CDH12: variants seen among roughly 807,000 people sequenced by gnomAD.
CDH12 encodes cadherin 12, also known as cadherin-12.
Under a neutral mutation model 74.1 loss-of-function variants are expected in CDH12, and 41 were observed. The ratio of observed to expected loss-of-function variants is 0.55; its 90% CI spans 0.43 to 0.72. The LOEUF (loss-of-function observed/expected upper bound fraction) is 0.72, where lower values mean the gene tolerates loss of function less well. Ranked by LOEUF, CDH12 falls within the 30% of genes least tolerant of loss-of-function variation. The pLI is 0.00. For synonymous variants in CDH12, 399 were observed against 355.0 expected, an observed-to-expected ratio of 1.12 and a Z score of -1.39; for missense variants, 945 against 977.2, an observed-to-expected ratio of 0.97 and a Z score of 0.44.
intron 2 of CDH12, among the ~76,000 whole-genome samples, chr5:22,445,371 T>C (rs1744779645): frequency 6.6e-6 from 1 of 151,922 alleles, no homozygotes; most frequent in Non-Finnish European, 1.5e-5. Context: ...CAAAATACAG[T>C]TTTATTTTCC....
intron 1 of CDH12, among the ~76,000 whole-genome samples, chr5:22,698,699 A>C (rs1361012107): frequency 2.4e-4 from 3 of 12,338 alleles, no homozygotes; most frequent in African/African-American, 1.1e-3. Flanking sequence ...ATATATATAT[A>C]TATATATATA....
At chr5:22,811,002 TAG>T (rs1016581354) in intron 1 of CDH12, among the ~76,000 whole-genome samples, 34 of 151,938 alleles carry the variant, frequency 2.2e-4, no homozygotes, top group African/African-American at 7.5e-4. Flanking sequence ...CATACACATA[TAG>T]ACATACACAT....
chr5:21,839,199 A>T (rs1749704280), intron 8 of CDH12, among the ~76,000 whole-genome samples: 1 of 152,308 alleles, frequency 6.6e-6, no homozygotes, highest in Non-Finnish European at 1.5e-5. Flanking sequence ...ACCATATATT[A>T]GAGAAACAAA....
intron 3 of CDH12, among the ~76,000 whole-genome samples, chr5:22,291,099 T>C (rs79018194): frequency 0.04 from 6,134 of 152,184 alleles, 435 homozygotes; most frequent in African/African-American, 0.14. Context: ...ATCAAATTAA[T>C]AGAACTAAGA....
chr5:22,383,677 C>G (rs1186700571), intron 3 of CDH12, among the ~76,000 whole-genome samples: 2 of 152,112 alleles, frequency 1.3e-5, no homozygotes, highest in African/African-American at 4.8e-5. Flanking sequence ...AATAATCTCC[C>G]AATTCATGTG....
At chr5:22,401,078 T>C (rs1018599956) in intron 3 of CDH12, among the ~76,000 whole-genome samples, 10 of 152,206 alleles carry the variant, frequency 6.6e-5, no homozygotes, top group Non-Finnish European at 1.5e-4. Flanking sequence ...CTTCGTTATT[T>C]TAGTCAATCC....
intron 1 of CDH12, among the ~76,000 whole-genome samples, chr5:22,736,009 T>G (rs1355186645): frequency 1.3e-5 from 2 of 151,868 alleles, no homozygotes; most frequent in East Asian, 3.9e-4. Flanking sequence ...ATTCATATTC[T>G]GATTTTCTAT....
chr5:22,100,652 GACACACACAC>G (rs150777646), intron 4 of CDH12, among the ~76,000 whole-genome samples: 1 of 144,242 alleles, frequency 6.9e-6, no homozygotes, highest in Non-Finnish European at 1.5e-5. Flanking sequence ...CCATACATTA[GACACACACAC>G]ACACACACAC....
chr5:22,634,232 A>G (rs1256605456), intron 1 of CDH12, among the ~76,000 whole-genome samples: 1 of 152,166 alleles, frequency 6.6e-6, no homozygotes, highest in Non-Finnish European at 1.5e-5. Flanking sequence ...ACAAGACAAA[A>G]GTAATTACAT....
At chr5:22,345,096 G>A (rs555691672) in intron 3 of CDH12, among the ~76,000 whole-genome samples, 27 of 152,236 alleles carry the variant, frequency 1.8e-4, no homozygotes, top group South Asian at 8.3e-4. Context: ...ACTTAACAGC[G>A]CACTGCAACA....
chr5:21,962,219 G>T (rs1464959817), intron 6 of CDH12, among the ~76,000 whole-genome samples: 1 of 151,788 alleles, frequency 6.6e-6, no homozygotes, highest in Non-Finnish European at 1.5e-5. Flanking sequence ...GACTTCATTT[G>T]TGTATAGGTT....
At chr5:22,164,030 T>C (rs555308113) in intron 4 of CDH12, among the ~76,000 whole-genome samples, 1 of 152,350 alleles carries the variant, frequency 6.6e-6, no homozygotes, top group East Asian at 1.9e-4. Flanking sequence ...CCAGGTTTAT[T>C]TACCAGAAGC....
intron 8 of CDH12, among the ~76,000 whole-genome samples, chr5:21,822,497 AT>A (rs1410758095): frequency 6.6e-6 from 1 of 152,076 alleles, no homozygotes; most frequent in Non-Finnish European, 1.5e-5. Flanking sequence ...CTGAGGCTGT[AT>A]TTTCAATATG....
rs529085189 is a variant in CDH12, at chr5:22,061,982, G to A, written c.231+16464C>T. ...AGACATCCATAAATAAGAAAGAGAT[G>A]TGGTTAAAAGAAAAGGAAGGATTGA... is the stretch of plus-strand genomic sequence containing the variant. On this transcript the variant is annotated intron_variant, in intron 5 of 14. Transcript: ENST00000382254. 8.5e-5 allele frequency among the ~76,000 whole-genome samples: 13 copies of A among 152,230 alleles called. 2 individuals carry two copies. Among genetic ancestry groups the A allele is most frequent in the African/African-American group, 2.9e-4 (12 of 41,558 alleles).
chr5:22,097,060 C>T (rs1743824450), intron 4 of CDH12, among the ~76,000 whole-genome samples: 1 of 152,174 alleles, frequency 6.6e-6, no homozygotes, highest in Non-Finnish European at 1.5e-5. Flanking sequence ...ACTCCAAATG[C>T]CTGAACCGCA....
At chr5:22,678,053 G>GGA (rs1554058356) in intron 1 of CDH12, among the ~76,000 whole-genome samples, 8 of 150,462 alleles carry the variant, frequency 5.3e-5, no homozygotes, top group Non-Finnish European at 1.2e-4. Flanking sequence ...ATGGGGGGGG[G>GGA]GGTTAGGATT....
chr5:22,697,098 G>T (rs1045369399), intron 1 of CDH12, among the ~76,000 whole-genome samples: 2 of 152,084 alleles, frequency 1.3e-5, no homozygotes, highest in South Asian at 4.1e-4. Context: ...TTTAGAGCAC[G>T]ATTATAAAAA....
intron 6 of CDH12, among the ~76,000 whole-genome samples, chr5:21,903,890 C>A (rs566464126): frequency 2.6e-5 from 4 of 152,008 alleles, no homozygotes; most frequent in Admixed American, 2.0e-4. Context: ...AGAAAAGGAA[C>A]AGAAAATGAG....
chr5:22,733,124 A>G lies in CDH12; in HGVS notation c.-523+119934T>C, dbSNP rs116872125. Among the ~76,000 whole-genome samples the G allele has an allele frequency of 2.1e-4, 32 of 152,030 alleles. No individual in the cohort carries two copies. In the East Asian group the frequency reaches 6.2e-3, roughly 30 times the overall value. On this transcript the variant is annotated intron_variant, in intron 1 of 14. Coordinates refer to ENST00000382254, the MANE Select transcript of CDH12 (RefSeq NM_004061.5). ...GAACAGATAATGAACACAATAATAA[A>G]TACAAATTGGCCTTAAATGAACTTT...
Sources: allele counts gnomAD v4.1 joint callset (sites outside exome capture counted in the v4.1 genomes callset), GRCh38; gene constraint gnomAD v4.1.1; transcripts MANE v1.5; gene names NCBI Gene and HGNC (gene_info 2026-07-23, HGNC 2026-07-21).